The following LHFPL3 variants were observed in gnomAD, a reference collection of about 807,000 sequenced individuals.
The protein encoded by LHFPL3 is LHFPL tetraspan subfamily member 3 protein.
LHFPL3 carries 5 observed loss-of-function variants against 19.3 expected under a neutral mutation model. The observed-to-expected ratio is 0.26, with a 90% CI of 0.14 to 0.54. LHFPL3 has a LOEUF of 0.54. LHFPL3 is among the 20% of genes least tolerant of loss of function. LHFPL3 has a pLI of 0.94. For synonymous variants in LHFPL3, 133 were observed against 126.2 expected (o/e 1.05, Z -0.36); for missense variants, 249 against 307.4 (o/e 0.81, Z 1.42).
chr7:104,686,940 C>G (rs1792816177), intron 1 of LHFPL3, among the ~76,000 whole-genome samples: 1 of 152,210 alleles, frequency 6.6e-6, no homozygotes, highest in African/African-American at 2.4e-5. Context: ...ACCATCAGCT[C>G]TCATGAGAAC....
chr7:104,465,932 G>A (rs1792774917), intron 1 of LHFPL3, among the ~76,000 whole-genome samples: 1 of 152,200 alleles, frequency 6.6e-6, no homozygotes, highest in African/African-American at 2.4e-5. Flanking sequence ...TGTGATCTGA[G>A]GGTATGTTTG....
intron 1 of LHFPL3, among the ~76,000 whole-genome samples, chr7:104,397,957 T>C (rs1160743594): frequency 6.6e-6 from 1 of 152,180 alleles, no homozygotes; most frequent in Non-Finnish European, 1.5e-5. Flanking sequence ...GCGCAGTTTC[T>C]CATGATAGAC....
chr7:104,812,419 T>C (rs1381225459), intron 2 of LHFPL3, among the ~76,000 whole-genome samples: 1 of 152,096 alleles, frequency 6.6e-6, no homozygotes, highest in East Asian at 1.9e-4. Context: ...CAATGTACAA[T>C]GCTGAGTGAA....
Position 104,461,952 on chromosome 7 carries a change from T to C in LHFPL3, c.445+132728T>C, listed in dbSNP as rs773753418. On this transcript the variant is annotated intron_variant, in intron 1 of 2. Coordinates refer to ENST00000424859, the MANE Select transcript of LHFPL3 (RefSeq NM_199000.3). ...TTGAGGAGTGTTTTGTAATTCTCCT[T>C]GTAGAGATATTTCACCTACCTAGTT... is the stretch of plus-strand genomic sequence containing the variant. Among the ~76,000 whole-genome samples, 27 of 152,168 alleles carry C rather than the reference T, an allele frequency of 1.8e-4. 1 individual carries two copies. The highest frequency in any genetic ancestry group is 2.8e-4 in the Non-Finnish European group (19 of 68,042).
At chr7:104,384,369 A>G (rs1459284780) in intron 1 of LHFPL3, among the ~76,000 whole-genome samples, 1 of 152,214 alleles carries the variant, frequency 6.6e-6, no homozygotes, top group Non-Finnish European at 1.5e-5. Context: ...ATATAAAAAA[A>G]GAAACCTGGG....
intron 2 of LHFPL3, among the ~76,000 whole-genome samples, chr7:104,746,699 G>A (rs1794053206): frequency 1.3e-5 from 2 of 152,182 alleles, no homozygotes; most frequent in South Asian, 4.1e-4. Context: ...AAACTTAAGT[G>A]TCTTCATCTA....
intron 1 of LHFPL3, among the ~76,000 whole-genome samples, chr7:104,564,747 A>G (rs1790085958): frequency 6.6e-6 from 1 of 152,152 alleles, no homozygotes; most frequent in Admixed American, 6.5e-5. Context: ...TTCCCTTTAG[A>G]TAACAGACCA....
chr7:104,449,663 C>T (rs192335108), intron 1 of LHFPL3, among the ~76,000 whole-genome samples: 3 of 152,284 alleles, frequency 2.0e-5, no homozygotes, highest in East Asian at 3.9e-4. Context: ...TTGCCTTAAT[C>T]CATTTACAGC....
intron 1 of LHFPL3, among the ~76,000 whole-genome samples, chr7:104,661,918 G>C (rs547966803): frequency 6.6e-6 from 1 of 151,878 alleles, no homozygotes; most frequent in South Asian, 2.1e-4. Context: ...GTAAAATAAG[G>C]GTTCCTTGAA....
intron 1 of LHFPL3, among the ~76,000 whole-genome samples, chr7:104,357,347 G>A (rs1288240530): frequency 3.3e-5 from 5 of 152,158 alleles, no homozygotes; most frequent in African/African-American, 9.7e-5. Context: ...AAATATAAAT[G>A]TGAACCCAGG....
intron 1 of LHFPL3, among the ~76,000 whole-genome samples, chr7:104,575,612 G>A (rs1163753004): frequency 7.0e-6 from 1 of 142,196 alleles, no homozygotes; most frequent in Non-Finnish European, 1.5e-5. Context: ...TGCCCAGAGA[G>A]TCCCAATGGT....
intron 1 of LHFPL3, among the ~76,000 whole-genome samples, chr7:104,403,045 G>A (rs556547863): frequency 1.7e-4 from 25 of 151,006 alleles, no homozygotes; most frequent in African/African-American, 5.0e-4. Context: ...ATCACACACC[G>A]GGGCCTGTCA....
chr7:104,585,480 AACACACACACACACACACACACACAC>A (rs57028058), intron 1 of LHFPL3, among the ~76,000 whole-genome samples: 1 of 123,362 alleles, frequency 8.1e-6, no homozygotes, highest in East Asian at 2.4e-4. Context: ...AACACACACA[AACACACACACACACACACACACACAC>A]ACACACACAC....
At chr7:104,529,185 G>C (rs1358587107) in intron 1 of LHFPL3, among the ~76,000 whole-genome samples, 4 of 152,202 alleles carry the variant, frequency 2.6e-5, no homozygotes, top group Non-Finnish European at 5.9e-5. Flanking sequence ...ACTATGGTCA[G>C]AAGAATGTGA....
chr7:104,808,182 T>G (rs1278094268), intron 2 of LHFPL3, among the ~76,000 whole-genome samples: 1 of 152,186 alleles, frequency 6.6e-6, no homozygotes, highest in Admixed American at 6.5e-5. Flanking sequence ...CCCACTTCCT[T>G]CAGAAACTGA....
chr7:104,377,724 C>G (rs766724517), intron 1 of LHFPL3, among the ~76,000 whole-genome samples: 1 of 152,172 alleles, frequency 6.6e-6, no homozygotes, highest in Non-Finnish European at 1.5e-5. Context: ...ACTCCTATCC[C>G]CACCTCAAAT....
At chr7:104,577,426 G>T (rs1790359365) in intron 1 of LHFPL3, among the ~76,000 whole-genome samples, 1 of 152,052 alleles carries the variant, frequency 6.6e-6, no homozygotes, top group Admixed American at 6.6e-5. Flanking sequence ...CTAACAGGAG[G>T]AACAGTGTTA....
chr7:104,453,803 C>T (rs1435644546), intron 1 of LHFPL3, among the ~76,000 whole-genome samples: 1 of 151,912 alleles, frequency 6.6e-6, no homozygotes, highest in Non-Finnish European at 1.5e-5. Flanking sequence ...AAAGTGTGCG[C>T]TGCCTCCCCC....
At chr7:104,788,072 A>T (rs1476000637) in intron 2 of LHFPL3, among the ~76,000 whole-genome samples, 1 of 152,116 alleles carries the variant, frequency 6.6e-6, no homozygotes, top group Non-Finnish European at 1.5e-5. Context: ...TTCTTTTATA[A>T]ACTATGTGGT....
Sources: allele counts gnomAD v4.1 joint callset (sites outside exome capture counted in the v4.1 genomes callset), GRCh38; gene constraint gnomAD v4.1.1; transcripts MANE v1.5; gene names NCBI Gene and HGNC (gene_info 2026-07-23, HGNC 2026-07-21).